HS2ST1: variants seen among roughly 807,000 people sequenced by gnomAD.
HS2ST1 encodes heparan sulfate 2-O-sulfotransferase 1, also known as 2-O-sulfotransferase.
A neutral mutation model predicts 42.9 loss-of-function variants in HS2ST1; 18 were observed. That is an observed-to-expected ratio of 0.42 (90% CI 0.29 to 0.62). The LOEUF (loss-of-function observed/expected upper bound fraction) is 0.62, where lower values mean the gene tolerates loss of function less well. Among genes scored for constraint, HS2ST1 ranks in the 20% least tolerant of loss-of-function variants. HS2ST1 has a pLI of 0.21. For synonymous variants in HS2ST1, 146 were observed against 152.9 expected, an observed-to-expected ratio of 0.95 and a Z score of 0.33; for missense variants, 334 against 433.8, an observed-to-expected ratio of 0.77 and a Z score of 2.04.
chr1:87,010,880 G>A (rs1161760180), intron 1 of HS2ST1, among the ~76,000 whole-genome samples: 1 of 152,042 alleles, frequency 6.6e-6, no homozygotes, highest in Non-Finnish European at 1.5e-5. Context: ...CCACTTCCCG[G>A]GTTCAAGCGA....
intron 1 of HS2ST1, among the ~76,000 whole-genome samples, chr1:87,015,920 G>A (rs891255529): frequency 6.6e-6 from 1 of 151,058 alleles, no homozygotes; most frequent in South Asian, 2.1e-4. Context: ...GGGTTTAATC[G>A]ATTCTCCTGC....
chr1:86,940,403 A>T (rs1377344566), intron 1 of HS2ST1, among the ~76,000 whole-genome samples: 1 of 152,034 alleles, frequency 6.6e-6, no homozygotes, highest in Non-Finnish European at 1.5e-5. Context: ...GAAACAGATG[A>T]TCAAAGTTGC....
At chr1:86,947,237 A>G (rs1021548720) in intron 1 of HS2ST1, among the ~76,000 whole-genome samples, 22 of 152,266 alleles carry the variant, frequency 1.4e-4, no homozygotes, top group African/African-American at 5.1e-4. Flanking sequence ...AGCAAAGAGC[A>G]TGTTTGCAGC....
chr1:87,101,186 G>A (rs1348462426), intron 5 of HS2ST1, among the ~76,000 whole-genome samples: 1 of 11,366 alleles, frequency 8.8e-5, no homozygotes, highest in Non-Finnish European at 2.3e-4. Context: ...TTTTTTTTTT[G>A]AGGCAGTCTC....
chr1:86,955,577 T>A (rs145509280), intron 1 of HS2ST1, among the ~76,000 whole-genome samples: 2 of 151,340 alleles, frequency 1.3e-5, no homozygotes, highest in Non-Finnish European at 2.9e-5. Flanking sequence ...TTAATGGGAG[T>A]GAAGGGTGGG....
At chr1:87,090,472 A>G (rs949268899) in intron 3 of HS2ST1, among the ~76,000 whole-genome samples, 1 of 152,002 alleles carries the variant, frequency 6.6e-6, no homozygotes, top group Non-Finnish European at 1.5e-5. Context: ...TACAGGAGAA[A>G]CACTAGTAGG....
At position 87,107,647 on chromosome 1, in the gene HS2ST1, ATATATATATGTT is replaced by A. The variant is rs1318135146; in HGVS notation, c.*2955_*2966del. 1 of 70,730 alleles carries A rather than the reference ATATATATATGTT, an allele frequency of 1.4e-5. No homozygotes were observed. Among genetic ancestry groups the A allele is most frequent in the Non-Finnish European group, 3.8e-5 (1 of 25,996 alleles). 4.4% of individuals were successfully genotyped at this position (70,730 alleles called of 1,614,324 possible). On this transcript the variant is annotated 3_prime_UTR_variant, in exon 7 of 7. Coordinates refer to ENST00000370550, the MANE Select transcript of HS2ST1 (RefSeq NM_012262.4). ...GTGTATGTGAAATATATATACATAT[ATATATATATGTT>A]TATTTCCTAAAAGAAGAAAAGATAC...
chr1:87,056,658 A>G (rs1461243363), intron 1 of HS2ST1, among the ~76,000 whole-genome samples: 2 of 152,220 alleles, frequency 1.3e-5, no homozygotes, highest in African/African-American at 4.8e-5. Flanking sequence ...CCCAATACTT[A>G]GACTTCTCTG....
At chr1:87,052,563 G>A (rs1650863621) in intron 1 of HS2ST1, among the ~76,000 whole-genome samples, 1 of 152,160 alleles carries the variant, frequency 6.6e-6, no homozygotes, top group South Asian at 2.1e-4. Flanking sequence ...TTTCACTTGT[G>A]CTTTCCATAA....
rs1391210510 is a variant in HS2ST1, at chr1:86,990,822, ATATATATATATATATTTTTTTTT to A, written c.124+75664_124+75686del. On this transcript the variant is annotated intron_variant, in intron 1 of 6. Coordinates refer to ENST00000370550, the MANE Select transcript of HS2ST1 (RefSeq NM_012262.4). ...CATGCCTGGCTAATTTTATATATAT[ATATATATATATATATTTTTTTTT>A]TTTTTTTTTTTTTTAGTAGAGATGG... Among the ~76,000 whole-genome samples the A allele has an allele frequency of 1.2e-4, 2 of 16,128 alleles. 1 individual carries two copies. The highest frequency in any genetic ancestry group is 5.4e-4 in the Non-Finnish European group (2 of 3,682). The allele number at this position is 16,128 out of a possible 152,430, so 10.6% of individuals were successfully genotyped here. A position where few individuals can be genotyped will look rare whatever the true frequency, so the allele number is the denominator to read the frequency against.
chr1:86,923,868 AC>A lies in HS2ST1; in HGVS notation c.124+8712del, dbSNP rs1660355971. ...GGACACAGCCAATCCATATCATTCCACCCCTGGCCCCTCCCAAATCTCATGT... is the reference window on the plus strand; with the variant it reads ...GGACACAGCCAATCCATATCATTCCACCCTGGCCCCTCCCAAATCTCATGT... On this transcript the variant is annotated intron_variant, in intron 1 of 6. Coordinates refer to ENST00000370550, the MANE Select transcript of HS2ST1 (RefSeq NM_012262.4). Among the ~76,000 whole-genome samples, 5 of 152,118 alleles carry A rather than the reference AC, an allele frequency of 3.3e-5. No homozygotes were observed. In the South Asian group the frequency reaches 1.0e-3, roughly 32 times the overall value.
At chr1:86,924,589 C>G (rs549571633) in intron 1 of HS2ST1, among the ~76,000 whole-genome samples, 7 of 152,308 alleles carry the variant, frequency 4.6e-5, no homozygotes, top group African/African-American at 1.4e-4. Flanking sequence ...TTCTTGACTT[C>G]TGTGCACTCG....
intron 1 of HS2ST1, among the ~76,000 whole-genome samples, chr1:87,033,335 C>T (rs1650287391): frequency 6.6e-6 from 1 of 152,094 alleles, no homozygotes; most frequent in African/African-American, 2.4e-5. Context: ...GCTCCAAGAA[C>T]CCCATTAGGT....
Position 86,943,172 on chromosome 1 carries a change from A to T in HS2ST1, c.124+28012A>T, listed in dbSNP as rs1165107974. ...TCTCCTAACTAAAAGGATCCTAAAAATTAAGAGTAAGATATTTAGAACTTT... is the reference window on the plus strand; with the variant it reads ...TCTCCTAACTAAAAGGATCCTAAAATTTAAGAGTAAGATATTTAGAACTTT... On this transcript the variant is annotated intron_variant, in intron 1 of 6. Transcript: ENST00000370550. Among the ~76,000 whole-genome samples the T allele has an allele frequency of 2.0e-5, 3 of 152,206 alleles. No homozygotes were observed. In the East Asian group the frequency reaches 5.8e-4, roughly 29 times the overall value.
intron 1 of HS2ST1, among the ~76,000 whole-genome samples, chr1:87,010,986 A>G (rs959204149): frequency 2.0e-5 from 3 of 152,056 alleles, no homozygotes; most frequent in African/African-American, 7.2e-5. Flanking sequence ...GGGTTTCACC[A>G]TGTTGGCCAG....
At chr1:86,981,983 T>G (rs888188463) in intron 1 of HS2ST1, among the ~76,000 whole-genome samples, 1 of 152,240 alleles carries the variant, frequency 6.6e-6, no homozygotes, top group African/African-American at 2.4e-5. Context: ...TCCAAGTGTT[T>G]CCATACATGC....
rs1013801442 is a variant in HS2ST1, at chr1:87,019,876, G to A, written c.125-53058G>A. On this transcript the variant is annotated intron_variant, in intron 1 of 6. Coordinates refer to ENST00000370550, the MANE Select transcript of HS2ST1 (RefSeq NM_012262.4). ...ATTTGATGACAGCATCTGTTCTACA[G>A]AGTGTGTTTGTGCTGTCAACAATAA... 2.0e-5 allele frequency among the ~76,000 whole-genome samples: 3 copies of A among 152,322 alleles called. No individual in the cohort carries two copies. In the East Asian group the frequency reaches 5.8e-4, roughly 29 times the overall value.
chr1:87,086,268 G>A (rs1651813734), intron 3 of HS2ST1, among the ~76,000 whole-genome samples: 1 of 151,992 alleles, frequency 6.6e-6, no homozygotes. Context: ...CCCTCCGTTG[G>A]CCCTGTGAAA....
chr1:87,020,308 G>T (rs1046441063), intron 1 of HS2ST1, among the ~76,000 whole-genome samples: 16 of 152,152 alleles, frequency 1.1e-4, no homozygotes, highest in Non-Finnish European at 2.1e-4. Flanking sequence ...AGTTCTCACA[G>T]TGTATATTTG....
Sources: allele counts gnomAD v4.1 joint callset (sites outside exome capture counted in the v4.1 genomes callset), GRCh38; gene constraint gnomAD v4.1.1; transcripts MANE v1.5; gene names NCBI Gene and HGNC (gene_info 2026-07-23, HGNC 2026-07-21).